Variants in FUT8 observed in about 807,000 individuals in gnomAD.
FUT8 encodes alpha-(1,6)-fucosyltransferase.
A neutral mutation model predicts 71.3 loss-of-function variants in FUT8; 29 were observed. The observed-to-expected ratio is 0.41, with a 90% CI of 0.30 to 0.55. The LOEUF (loss-of-function observed/expected upper bound fraction) is 0.55, where lower values mean the gene tolerates loss of function less well. Among genes scored for constraint, FUT8 ranks in the 20% least tolerant of loss-of-function variants. The probability of loss-of-function intolerance (pLI) is 0.34; values close to 1 mark genes in which losing one functional copy is unlikely to be tolerated. For synonymous variants in FUT8, 254 were observed against 239.3 expected (o/e 1.06, Z -0.57); for missense variants, 544 against 702.1 (o/e 0.77, Z 2.55).
At chr14:65,473,111 A>G (rs2066174790) in intron 2 of FUT8, among the ~76,000 whole-genome samples, 2 of 152,134 alleles carry the variant, frequency 1.3e-5, no homozygotes, top group South Asian at 4.1e-4. Context: ...TTTTTTTTAC[A>G]AAGTTATAAT....
At chr14:65,433,429 C>T (rs1403975959) in intron 1 of FUT8, among the ~76,000 whole-genome samples, 3 of 152,188 alleles carry the variant, frequency 2.0e-5, no homozygotes, top group Non-Finnish European at 4.4e-5. Flanking sequence ...TGTTTGTTGT[C>T]AACTTGTGAG....
Position 65,729,285 on chromosome 14 carries a change from G to T in FUT8, c.1260-3946G>T, listed in dbSNP as rs923427976. On this transcript the variant is annotated intron_variant, in intron 9 of 10. Coordinates refer to ENST00000673929, the MANE Select transcript of FUT8 (RefSeq NM_001371533.1). ...CTCCTGCCTTGTCCTCCAAAGTGCC[G>T]GGATTACTGTCGTGAGCCACCATGC... 9.2e-5 allele frequency among the ~76,000 whole-genome samples: 14 copies of T among 152,028 alleles called. No individual in the cohort carries two copies. The South Asian group carries it at 1.2e-3, about 14-fold the overall frequency.
At chr14:65,420,206 T>C (rs1264525947) in intron 1 of FUT8, among the ~76,000 whole-genome samples, 1 of 152,198 alleles carries the variant, frequency 6.6e-6, no homozygotes. Flanking sequence ...AAAATAAAAT[T>C]ACCAAAGAAG....
At chr14:65,688,492 T>C (rs1893410936) in intron 7 of FUT8, among the ~76,000 whole-genome samples, 1 of 142,498 alleles carries the variant, frequency 7.0e-6, no homozygotes, top group Admixed American at 7.1e-5. Flanking sequence ...CAACAGTTAG[T>C]TGGTGCTGGA....
chr14:65,625,674 A>T (rs1889860621), intron 5 of FUT8, among the ~76,000 whole-genome samples: 1 of 152,222 alleles, frequency 6.6e-6, no homozygotes, highest in South Asian at 2.1e-4. Flanking sequence ...CATGAAACAA[A>T]TGTCTAAAGT....
At chr14:65,407,114 A>G (rs1048877385), upstream of FUT8, among the ~76,000 whole-genome samples, 7 of 152,206 alleles carry the variant, frequency 4.6e-5, no homozygotes, top group Non-Finnish European at 7.3e-5. Flanking sequence ...TGGTAACTGA[A>G]AAACAACTCA....
At chr14:65,572,028 GT>G (rs908831948) in intron 3 of FUT8, among the ~76,000 whole-genome samples, 1 of 152,152 alleles carries the variant, frequency 6.6e-6, no homozygotes. Flanking sequence ...AGTCTTACAA[GT>G]TTTTTGTAAA....
chr14:65,702,165 G>A (rs1333471321), intron 7 of FUT8, among the ~76,000 whole-genome samples: 1 of 152,150 alleles, frequency 6.6e-6, no homozygotes, highest in African/African-American at 2.4e-5. Context: ...GACCAACATG[G>A]AGAAACCCTG....
At chr14:65,629,651 G>T in intron 6 of FUT8, 45 bp downstream of exon 6, 1 of 1,319,938 alleles carries the variant, frequency 7.6e-7, no homozygotes. Context: ...AAAAAAGAAG[G>T]ATCATAATAT....
intron 2 of FUT8, among the ~76,000 whole-genome samples, chr14:65,506,983 G>A (rs185858818): frequency 1.2e-4 from 19 of 152,284 alleles, no homozygotes; most frequent in Non-Finnish European, 1.8e-4. Context: ...ACTCCCTGGA[G>A]GGTTCTGTAA....
intron 7 of FUT8, among the ~76,000 whole-genome samples, chr14:65,687,727 C>A (rs1893365305): frequency 6.6e-6 from 1 of 151,654 alleles, no homozygotes; most frequent in South Asian, 2.1e-4. Flanking sequence ...CAAGTGCCAG[C>A]CATGACTTAT....
intron 10 of FUT8, 78 bp downstream of exon 10, chr14:65,733,459 A>T: frequency 9.4e-7 from 1 of 1,069,462 alleles, no homozygotes; most frequent in Non-Finnish European, 1.3e-6. Context: ...TTGTGTGTCT[A>T]TGTGTTGTTA....
At chr14:65,624,823 C>T (rs1434187710) in intron 5 of FUT8, among the ~76,000 whole-genome samples, 1 of 152,210 alleles carries the variant, frequency 6.6e-6, no homozygotes, top group African/African-American at 2.4e-5. Context: ...ACCTGTAATC[C>T]TAGCACTTTG....
intron 2 of FUT8, among the ~76,000 whole-genome samples, chr14:65,520,652 TAGTTAC>T (rs928661535): frequency 1.2e-4 from 19 of 152,122 alleles, no homozygotes; most frequent in Non-Finnish European, 1.3e-4. Context: ...CATTTTAGTG[TAGTTAC>T]TGGAGTTTCA....
intron 2 of FUT8, among the ~76,000 whole-genome samples, chr14:65,484,635 C>T (rs566920689): frequency 2.5e-4 from 38 of 152,060 alleles, no homozygotes; most frequent in African/African-American, 8.4e-4. Context: ...GATCATGCCA[C>T]TGCACTCCAG....
intron 6 of FUT8, among the ~76,000 whole-genome samples, chr14:65,641,160 G>A (rs1890810970): frequency 6.6e-6 from 1 of 152,114 alleles, no homozygotes; most frequent in African/African-American, 2.4e-5. Flanking sequence ...ATGTCCGTTT[G>A]TGTTTCCTCC....
chr14:65,583,128 C>T (rs1001311500), intron 3 of FUT8, among the ~76,000 whole-genome samples: 1 of 152,046 alleles, frequency 6.6e-6, no homozygotes, highest in Non-Finnish European at 1.5e-5. Context: ...TGCCTTTTAC[C>T]ACTTTGATCA....
At chr14:65,594,124 C>G (rs964514755) in intron 3 of FUT8, among the ~76,000 whole-genome samples, 16 of 152,178 alleles carry the variant, frequency 1.1e-4, no homozygotes, top group Admixed American at 1.3e-4. Context: ...TTTCTTGACC[C>G]CTTTGTGGGG....
chr14:65,595,088 C>T (rs1887897535), intron 3 of FUT8, among the ~76,000 whole-genome samples: 1 of 152,174 alleles, frequency 6.6e-6, no homozygotes, highest in Non-Finnish European at 1.5e-5. Context: ...TCTGCCTCCT[C>T]TGCCTCCTGT....
Sources: gnomAD v4.1 joint callset for allele counts (sites outside exome capture counted in the v4.1 genomes callset) on GRCh38, gnomAD v4.1.1 for gene constraint, MANE v1.5 for transcripts, NCBI Gene and HGNC (gene_info 2026-07-23, HGNC 2026-07-21) for gene names.